The following CLSTN2 variants were observed in gnomAD, a reference collection of about 807,000 sequenced individuals.
CLSTN2 encodes the protein calsyntenin 2, also known as calsyntenin-2.
A neutral mutation model predicts 101.2 loss-of-function variants in CLSTN2; 48 were observed. That is an observed-to-expected ratio of 0.47 (90% CI 0.38 to 0.60). The LOEUF (loss-of-function observed/expected upper bound fraction) is 0.60. Among genes scored for constraint, CLSTN2 ranks in the 20% least tolerant of loss-of-function variants. The pLI, the probability that CLSTN2 is intolerant of heterozygous loss-of-function variation, is 0.00. For synonymous variants in CLSTN2, 481 were observed against 463.6 expected (o/e 1.04, Z -0.48); for missense variants, 1,160 against 1,238.2 (o/e 0.94, Z 0.95).
At chr3:140,521,249 T>C (rs1489738518) in intron 8 of CLSTN2, among the ~76,000 whole-genome samples, 1 of 152,166 alleles carries the variant, frequency 6.6e-6, no homozygotes, top group African/African-American at 2.4e-5. Flanking sequence ...TTTGCATTTA[T>C]TCGTTCTCAT....
At chr3:140,227,685 T>C (rs113810133) in intron 2 of CLSTN2, among the ~76,000 whole-genome samples, 6,631 of 152,322 alleles carry the variant, frequency 0.044, 464 homozygotes, top group African/African-American at 0.15. Flanking sequence ...CAAACTTCTG[T>C]CTGGGCATCC....
intron 1 of CLSTN2, among the ~76,000 whole-genome samples, chr3:140,173,856 G>A (rs2010277901): frequency 6.6e-6 from 1 of 152,142 alleles, no homozygotes; most frequent in Admixed American, 6.6e-5. Context: ...ACAGCTCAGA[G>A]GTCCAGCCCA....
At chr3:140,163,513 T>C (rs978908708) in intron 1 of CLSTN2, among the ~76,000 whole-genome samples, 4 of 151,960 alleles carry the variant, frequency 2.6e-5, no homozygotes, top group Non-Finnish European at 4.4e-5. Context: ...TCTGTTTCTC[T>C]GGTGAACCCT....
chr3:140,135,115 C>CATATATATATATAT (rs1560105560), intron 1 of CLSTN2, among the ~76,000 whole-genome samples: 2 of 52,058 alleles, frequency 3.8e-5, no homozygotes, highest in African/African-American at 9.7e-5. Context: ...CACACACACA[C>CATATATATATATAT]ACATATATAT....
At chr3:139,937,574 TAAA>T (rs59496165) in intron 1 of CLSTN2, among the ~76,000 whole-genome samples, 3 of 114,664 alleles carry the variant, frequency 2.6e-5, no homozygotes, top group African/African-American at 9.6e-5. Flanking sequence ...CCGTCTCTAC[TAAA>T]AAAAAAAAAA....
At chr3:140,048,353 T>G (rs911330731) in intron 1 of CLSTN2, among the ~76,000 whole-genome samples, 6 of 152,218 alleles carry the variant, frequency 3.9e-5, no homozygotes, top group African/African-American at 1.4e-4. Flanking sequence ...CAGTGAGATT[T>G]CTGGCACTAA....
At chr3:140,369,360 C>T (rs2087826084) in intron 2 of CLSTN2, among the ~76,000 whole-genome samples, 1 of 152,178 alleles carries the variant, frequency 6.6e-6, no homozygotes, top group Non-Finnish European at 1.5e-5. Context: ...TTTTTATGAA[C>T]TTCATACTTG....
chr3:140,052,145 T>C (rs1474816936), intron 1 of CLSTN2, among the ~76,000 whole-genome samples: 3 of 152,152 alleles, frequency 2.0e-5, no homozygotes, highest in African/African-American at 7.2e-5. Flanking sequence ...TTTCTCAAAA[T>C]ATTTCTGTTA....
At chr3:140,380,753 A>G (rs557527694) in intron 2 of CLSTN2, among the ~76,000 whole-genome samples, 28 of 152,234 alleles carry the variant, frequency 1.8e-4, no homozygotes, top group Non-Finnish European at 3.5e-4. Context: ...ATCTTTTCTC[A>G]CAGAGACCGT....
At chr3:140,280,277 A>C (rs1046731101) in intron 2 of CLSTN2, among the ~76,000 whole-genome samples, 1 of 152,162 alleles carries the variant, frequency 6.6e-6, no homozygotes, top group South Asian at 2.1e-4. Context: ...CCCCTGACCC[A>C]TTAGTAGGAT....
intron 1 of CLSTN2, among the ~76,000 whole-genome samples, chr3:140,039,263 A>G (rs1437546131): frequency 2.0e-5 from 3 of 152,164 alleles, no homozygotes; most frequent in Non-Finnish European, 4.4e-5. Context: ...ATAAATTTTA[A>G]AATGTGAAAT....
intron 1 of CLSTN2, among the ~76,000 whole-genome samples, chr3:140,119,549 C>T (rs1348012248): frequency 6.6e-6 from 1 of 152,172 alleles, no homozygotes; most frequent in Non-Finnish European, 1.5e-5. Flanking sequence ...GGGTCTTGCT[C>T]TGTTGCCCAG....
intron 8 of CLSTN2, among the ~76,000 whole-genome samples, chr3:140,518,314 C>T (rs1934960213): frequency 6.6e-6 from 1 of 152,232 alleles, no homozygotes; most frequent in South Asian, 2.1e-4. Flanking sequence ...GATTCACTCT[C>T]ACCTCCAGGA....
Position 140,540,792 on chromosome 3 carries a change from A to G in CLSTN2, c.1508-5723A>G, listed in dbSNP as rs537036878. Among the ~76,000 whole-genome samples, 7 of 152,322 alleles carry G rather than the reference A, an allele frequency of 4.6e-5. 1 individual carries two copies. The South Asian group carries it at 1.2e-3, about 27-fold the overall frequency. ...TAGATGCGTGCATATTTTTACCTCA[A>G]AATAGAAGAGGTAGACACACTGGTT... On this transcript the variant is annotated intron_variant, in intron 9 of 16. Coordinates refer to ENST00000458420, the MANE Select transcript of CLSTN2 (RefSeq NM_022131.3).
chr3:140,010,984 A>C (rs2007061813), intron 1 of CLSTN2, among the ~76,000 whole-genome samples: 1 of 152,202 alleles, frequency 6.6e-6, no homozygotes, highest in Admixed American at 6.5e-5. Context: ...TACAGTGAGC[A>C]TCAGTAGAGG....
At chr3:139,999,253 C>T (rs1438545412) in intron 1 of CLSTN2, among the ~76,000 whole-genome samples, 1 of 152,046 alleles carries the variant, frequency 6.6e-6, no homozygotes, top group Admixed American at 6.5e-5. Flanking sequence ...GATGTTGCTC[C>T]CTCCCTCCCT....
chr3:140,471,871 T>A (rs1933856597), intron 8 of CLSTN2, among the ~76,000 whole-genome samples: 1 of 152,232 alleles, frequency 6.6e-6, no homozygotes, highest in African/African-American at 2.4e-5. Context: ...ATGTGCTCAT[T>A]TACAAAAACA....
chr3:139,956,381 G>T (rs1359243557), intron 1 of CLSTN2, among the ~76,000 whole-genome samples: 2 of 152,118 alleles, frequency 1.3e-5, no homozygotes, highest in Admixed American at 1.3e-4. Context: ...GAAGACTAGG[G>T]CTTGACAGAG....
At chr3:140,542,013 G>A (rs1559899543) in intron 9 of CLSTN2, among the ~76,000 whole-genome samples, 2 of 152,184 alleles carry the variant, frequency 1.3e-5, no homozygotes, top group East Asian at 1.9e-4. Flanking sequence ...AACAACTAGG[G>A]AAAAATTAAA....
Sources: gnomAD v4.1 joint callset for allele counts (sites outside exome capture counted in the v4.1 genomes callset) on GRCh38, gnomAD v4.1.1 for gene constraint, MANE v1.5 for transcripts, NCBI Gene and HGNC (gene_info 2026-07-23, HGNC 2026-07-21) for gene names.